Variants in ROBO2 observed in about 807,000 individuals in gnomAD.
ROBO2 encodes roundabout guidance receptor 2, also known as roundabout homolog 2.
Under a neutral mutation model 160.8 loss-of-function variants are expected in ROBO2, and 53 were observed. The observed-to-expected ratio is 0.33, with a 90% CI of 0.26 to 0.41. The LOEUF is 0.41. ROBO2 is among the 10% of genes least tolerant of loss of function. The pLI, the probability that ROBO2 is intolerant of heterozygous loss-of-function variation, is 1.00. For missense variants in ROBO2, 1,577 were observed against 1,722.4 expected (o/e 0.92, Z 1.49); for synonymous variants, 664 against 611.7 (o/e 1.09, Z -1.26).
intron 2 of ROBO2, among the ~76,000 whole-genome samples, chr3:76,177,063 G>A (rs1164402647): frequency 6.6e-6 from 1 of 152,112 alleles, no homozygotes; most frequent in African/African-American, 2.4e-5. Context: ...ATTGTTTTCA[G>A]TGAATGCAAT....
At chr3:76,689,066 C>T (rs552931921) in intron 2 of ROBO2, among the ~76,000 whole-genome samples, 47 of 152,052 alleles carry the variant, frequency 3.1e-4, no homozygotes, top group African/African-American at 9.2e-4. Flanking sequence ...ATGTTAAATG[C>T]GCATATTTAT....
At chr3:76,347,838 C>T (rs543175737) in intron 2 of ROBO2, among the ~76,000 whole-genome samples, 1 of 151,966 alleles carries the variant, frequency 6.6e-6, no homozygotes, top group Admixed American at 6.6e-5. Flanking sequence ...CACAAGTGGC[C>T]CCAAACATCA....
At chr3:76,092,429 T>C (rs1394033882) in intron 2 of ROBO2, among the ~76,000 whole-genome samples, 1 of 152,168 alleles carries the variant, frequency 6.6e-6, no homozygotes, top group Non-Finnish European at 1.5e-5. Context: ...GGTATGTCAT[T>C]TTCTCTTCAA....
chr3:76,105,231 T>C (rs2069869956), intron 2 of ROBO2, among the ~76,000 whole-genome samples: 2 of 151,668 alleles, frequency 1.3e-5, no homozygotes, highest in Admixed American at 1.3e-4. Context: ...TTGTTGGATA[T>C]AAATCCCCCT....
Position 77,602,414 on chromosome 3 carries a change from G to A in ROBO2, c.3059G>A (p.Trp1020Ter). The A allele has an allele frequency of 6.2e-7, 1 of 1,614,034 alleles. No individual in the cohort carries two copies. The highest frequency in any genetic ancestry group is 8.5e-7 in the Non-Finnish European group (1 of 1,180,004). The change falls in exon 20 of 26, where the codon TGG (tryptophan) becomes TAG (stop). Residue 1020 changes from tryptophan to a stop codon, truncating the protein, a stop_gained. Coordinates refer to ENST00000461745, the Ensembl canonical transcript of ROBO2. LOFTEE classifies it high-confidence loss of function. ...GCTGTCGATCTGCCTGATCCACAAT[G>A]GAAAAGCTCAATTCAGCAAAAAACA...
At chr3:76,604,900 T>G (rs2087524161) in intron 2 of ROBO2, among the ~76,000 whole-genome samples, 1 of 152,160 alleles carries the variant, frequency 6.6e-6, no homozygotes, top group South Asian at 2.1e-4. Flanking sequence ...AGTAATCAAA[T>G]AGATAGCTTT....
intron 2 of ROBO2, among the ~76,000 whole-genome samples, chr3:77,011,318 T>G (rs1441498860): frequency 6.6e-6 from 1 of 152,160 alleles, no homozygotes; most frequent in African/African-American, 2.4e-5. Flanking sequence ...CTTCAATAAA[T>G]ACGTCAAATG....
chr3:77,237,460 T>C (rs963414312), intron 2 of ROBO2, among the ~76,000 whole-genome samples: 7 of 128,244 alleles, frequency 5.5e-5, no homozygotes, highest in Non-Finnish European at 9.0e-5. Context: ...TGATAAGGTC[T>C]CACTATCTTG....
At chr3:76,440,549 C>A (rs1332510437) in intron 2 of ROBO2, among the ~76,000 whole-genome samples, 1 of 152,092 alleles carries the variant, frequency 6.6e-6, no homozygotes. Flanking sequence ...CTTTAGTGAA[C>A]AGATTTAATT....
At chr3:76,464,273 G>C (rs1405356388) in intron 2 of ROBO2, among the ~76,000 whole-genome samples, 8 of 152,120 alleles carry the variant, frequency 5.3e-5, no homozygotes, top group Non-Finnish European at 1.2e-4. Flanking sequence ...ATAGTATGTA[G>C]AGACTGAGAA....
intron 2 of ROBO2, among the ~76,000 whole-genome samples, chr3:76,416,921 A>T (rs2075780677): frequency 6.6e-6 from 1 of 152,348 alleles, no homozygotes; most frequent in Admixed American, 6.5e-5. Context: ...TGTTTAAAAG[A>T]TCACCACATT....
intron 2 of ROBO2, among the ~76,000 whole-genome samples, chr3:77,219,977 CT>C (rs1474900362): frequency 6.6e-6 from 1 of 151,510 alleles, no homozygotes; most frequent in Non-Finnish European, 1.5e-5. Flanking sequence ...CAGAACATGG[CT>C]TCAGAAAACA....
At chr3:76,500,254 C>A (rs2080386803) in intron 2 of ROBO2, among the ~76,000 whole-genome samples, 1 of 152,054 alleles carries the variant, frequency 6.6e-6, no homozygotes, top group Non-Finnish European at 1.5e-5. Context: ...AAGTAGCTGA[C>A]ACTACAGGCG....
intron 2 of ROBO2, among the ~76,000 whole-genome samples, chr3:76,963,467 A>G (rs992700368): frequency 6.6e-6 from 1 of 152,156 alleles, no homozygotes; most frequent in South Asian, 2.1e-4. Context: ...GATTTTATAG[A>G]GTGATTCTAA....
At chr3:77,335,009 T>C (rs1031035372) in intron 2 of ROBO2, among the ~76,000 whole-genome samples, 1 of 152,194 alleles carries the variant, frequency 6.6e-6, no homozygotes, top group Non-Finnish European at 1.5e-5. Context: ...AAGTTAAAAC[T>C]TGAAGTGGTA....
At chr3:77,330,931 A>G (rs942520648) in intron 2 of ROBO2, among the ~76,000 whole-genome samples, 17 of 152,136 alleles carry the variant, frequency 1.1e-4, no homozygotes, top group African/African-American at 4.1e-4. Context: ...TCAGTATTTG[A>G]TTGACTTGAT....
intron 2 of ROBO2, among the ~76,000 whole-genome samples, chr3:77,139,583 G>C (rs1327008070): frequency 6.6e-6 from 1 of 152,164 alleles, no homozygotes; most frequent in South Asian, 2.1e-4. Context: ...ATATAATGCA[G>C]ATATGAAACC....
chr3:76,476,969 G>A lies in ROBO2; in HGVS notation c.109+539367G>A, dbSNP rs150322665. ...GCCCAGATGATACCATCAAAAGAAC[G>A]TGGACTTTACTGTCAGGCAGTACCA... On this transcript the variant is annotated intron_variant, in intron 2 of 26. Coordinates refer to the ROBO2 transcript ENST00000487694. 3.2e-3 allele frequency among the ~76,000 whole-genome samples: 493 copies of A among 152,272 alleles called. 3 individuals are homozygous for A. Among genetic ancestry groups the A allele is most frequent in the African/African-American group, 0.011 (474 of 41,560 alleles).
At chr3:77,586,390 G>A (rs560126281) in intron 16 of ROBO2, among the ~76,000 whole-genome samples, 5 of 152,106 alleles carry the variant, frequency 3.3e-5, no homozygotes, top group South Asian at 2.1e-4. Context: ...AAACTTTCAC[G>A]GTAATAGGTA....
Sources: allele counts gnomAD v4.1 joint callset (sites outside exome capture counted in the v4.1 genomes callset), GRCh38; gene constraint gnomAD v4.1.1; transcripts MANE v1.5; gene names NCBI Gene and HGNC (gene_info 2026-07-23, HGNC 2026-07-21).